PPM1E: variants seen among roughly 807,000 people sequenced by gnomAD.
The protein encoded by PPM1E is protein phosphatase 1E.
PPM1E carries 20 observed loss-of-function variants against 65.9 expected under a neutral mutation model. The ratio of observed to expected loss-of-function variants is 0.30; its 90% CI spans 0.21 to 0.44. The LOEUF (loss-of-function observed/expected upper bound fraction) is 0.44. PPM1E is among the 20% of genes least tolerant of loss of function. PPM1E has a pLI of 1.00. For missense variants in PPM1E, 713 were observed against 953.1 expected (o/e 0.75, Z 3.32); for synonymous variants, 352 against 374.9 (o/e 0.94, Z 0.70).
At chr17:58,819,972 G>C (rs2143132419) in intron 1 of PPM1E, among the ~76,000 whole-genome samples, 1 of 152,174 alleles carries the variant, frequency 6.6e-6, no homozygotes, top group East Asian at 1.9e-4. Flanking sequence ...GGGAGGCAGA[G>C]GTTGCAGTGA....
chr17:58,974,625 G>A (rs2030881453), intron 6 of PPM1E, among the ~76,000 whole-genome samples: 1 of 151,932 alleles, frequency 6.6e-6, no homozygotes, highest in Non-Finnish European at 1.5e-5. Context: ...ATATCTATAT[G>A]GGTGATATGT....
intron 1 of PPM1E, among the ~76,000 whole-genome samples, chr17:58,950,280 T>G (rs2052217577): frequency 6.6e-6 from 1 of 152,188 alleles, no homozygotes; most frequent in South Asian, 2.1e-4. Flanking sequence ...GAGAATTGCT[T>G]GAACCCAGGA....
chr17:58,882,274 T>G (rs1404842797), intron 1 of PPM1E, among the ~76,000 whole-genome samples: 1 of 152,192 alleles, frequency 6.6e-6, no homozygotes, highest in African/African-American at 2.4e-5. Context: ...TACTTTGATG[T>G]TTCATTCAAA....
At chr17:58,941,791 G>C (rs1170194537) in intron 1 of PPM1E, among the ~76,000 whole-genome samples, 4 of 150,252 alleles carry the variant, frequency 2.7e-5, no homozygotes, top group Non-Finnish European at 5.9e-5. Context: ...GATCACCTGA[G>C]GTCAGGAGTT....
intron 6 of PPM1E, among the ~76,000 whole-genome samples, chr17:58,973,478 A>C (rs186310590): frequency 7.3e-5 from 11 of 151,492 alleles, no homozygotes; most frequent in Middle Eastern, 3.5e-3. Context: ...ATACATTTAA[A>C]ATTTTATGGA....
chr17:58,825,534 C>T (rs959571079), intron 1 of PPM1E, among the ~76,000 whole-genome samples: 3 of 150,594 alleles, frequency 2.0e-5, no homozygotes, highest in Non-Finnish European at 3.0e-5. Flanking sequence ...CAAATGAAAA[C>T]GTATTTTTTT....
At chr17:58,879,566 G>A (rs943774473) in intron 1 of PPM1E, among the ~76,000 whole-genome samples, 1 of 145,316 alleles carries the variant, frequency 6.9e-6, no homozygotes, top group African/African-American at 2.6e-5. Flanking sequence ...CTGGAGTGCG[G>A]TGATGCTTGT....
At position 58,778,612 on chromosome 17, in the gene PPM1E, G is replaced by A. The variant is rs151216691; in HGVS notation, c.464+22151G>A. The stretch of plus-strand genomic sequence containing the variant: ...CTTTGTAGAGATGGGGTTTCACCAC[G>A]TTGCCCAGGCTGGTCTCAAACTCCT... On this transcript the variant is annotated intron_variant, in intron 1 of 6. Transcript: ENST00000308249. Among the ~76,000 whole-genome samples, 1,206 of 151,448 alleles carry A rather than the reference G, an allele frequency of 8.0e-3. 15 individuals carry two copies. The highest frequency in any genetic ancestry group is 0.027 in the African/African-American group (1,123 of 41,320).
intron 1 of PPM1E, among the ~76,000 whole-genome samples, chr17:58,860,723 C>T (rs1048044108): frequency 6.6e-6 from 1 of 152,124 alleles, no homozygotes; most frequent in African/African-American, 2.4e-5. Flanking sequence ...GCGGGCAGAC[C>T]GCCTGAGGTC....
chr17:58,831,097 G>A (rs1237027620), intron 1 of PPM1E, among the ~76,000 whole-genome samples: 5 of 148,560 alleles, frequency 3.4e-5, no homozygotes, highest in South Asian at 2.1e-4. Flanking sequence ...TGCAACCTCC[G>A]CCTCCTGGGT....
intron 1 of PPM1E, among the ~76,000 whole-genome samples, chr17:58,757,978 C>A (rs978149014): frequency 2.0e-5 from 3 of 151,886 alleles, no homozygotes; most frequent in African/African-American, 7.3e-5. Context: ...TAATTTTTTA[C>A]AGTATTTAAA....
intron 1 of PPM1E, among the ~76,000 whole-genome samples, chr17:58,917,214 A>G (rs1373824209): frequency 7.6e-6 from 1 of 131,010 alleles, no homozygotes; most frequent in African/African-American, 2.6e-5. Flanking sequence ...TGTCTCAAAA[A>G]AAAGAAAAAA....
chr17:58,962,937 A>T (rs1281312363), intron 2 of PPM1E, among the ~76,000 whole-genome samples: 3 of 151,930 alleles, frequency 2.0e-5, no homozygotes, highest in Middle Eastern at 3.4e-3. Flanking sequence ...ATTTTTTTTT[A>T]AATTACCCAG....
chr17:58,962,412 C>T (rs773385291), intron 2 of PPM1E, among the ~76,000 whole-genome samples: 1 of 152,032 alleles, frequency 6.6e-6, no homozygotes, highest in Non-Finnish European at 1.5e-5. Context: ...TATCTGGGAA[C>T]TATCCTGATA....
rs571669673 is a variant in PPM1E at position 58,857,260 on chromosome 17, A to AT, written c.465-98378dup. Among the ~76,000 whole-genome samples the AT allele has an allele frequency of 6.0e-3, 892 of 148,578 alleles. 4 individuals carry two copies. Among genetic ancestry groups the AT allele is most frequent in the African/African-American group, 9.6e-3 (391 of 40,750 alleles). ...ATCTGTTGTCCACATTGAATGGAAG[A>AT]TTTTTTTTTTTACTTTGAATCACTG... On this transcript the variant is annotated intron_variant, in intron 1 of 6. Coordinates refer to ENST00000308249, the MANE Select transcript of PPM1E (RefSeq NM_014906.5).
chr17:58,819,973 G>T (rs1418348046), intron 1 of PPM1E, among the ~76,000 whole-genome samples: 1 of 152,002 alleles, frequency 6.6e-6, no homozygotes, highest in East Asian at 1.9e-4. Flanking sequence ...GGAGGCAGAG[G>T]TTGCAGTGAG....
chr17:58,850,813 A>G (rs571316316), intron 1 of PPM1E, among the ~76,000 whole-genome samples: 1 of 152,236 alleles, frequency 6.6e-6, no homozygotes, highest in East Asian at 1.9e-4. Flanking sequence ...CCTGAATTTG[A>G]ATGTTGGCCT....
chr17:58,972,947 T>G lies in PPM1E; in HGVS notation c.1210+22T>G, dbSNP rs575325336. On this transcript the variant is annotated intron_variant, in intron 6 of 6. Transcript: ENST00000308249. ...ATTGGTAGGAAAAACAAATTTTTGTTTCTCCAAACTGTCCTCTTCTAGCTC... is the reference window on the plus strand; with the variant it reads ...ATTGGTAGGAAAAACAAATTTTTGTGTCTCCAAACTGTCCTCTTCTAGCTC... 411 of 1,567,196 alleles carry G rather than the reference T, an allele frequency of 2.6e-4. 4 individuals carry two copies. The South Asian group carries it at 4.4e-3, about 17-fold the overall frequency.
At chr17:58,770,608 A>G (rs899915072) in intron 1 of PPM1E, among the ~76,000 whole-genome samples, 3 of 152,150 alleles carry the variant, frequency 2.0e-5, no homozygotes, top group Non-Finnish European at 4.4e-5. Context: ...GAGACCTTAC[A>G]AATGAATAGC....
Sources: gnomAD v4.1 joint callset for allele counts (sites outside exome capture counted in the v4.1 genomes callset) on GRCh38, gnomAD v4.1.1 for gene constraint, MANE v1.5 for transcripts, NCBI Gene and HGNC (gene_info 2026-07-23, HGNC 2026-07-21) for gene names.